Variants in AMPH observed in about 807,000 individuals in gnomAD.
AMPH encodes amphiphysin (Stiff-Mann syndrome with breast cancer 128kD autoantigen).
A neutral mutation model predicts 99.1 loss-of-function variants in AMPH; 49 were observed. The ratio of observed to expected loss-of-function variants is 0.49; its 90% confidence interval spans 0.39 to 0.63. AMPH has a LOEUF of 0.63. AMPH is among the 20% of genes least tolerant of loss of function. The probability of loss-of-function intolerance (pLI) is 0.00; values close to 1 mark genes in which losing one functional copy is unlikely to be tolerated. For missense variants in AMPH, 759 were observed against 863.4 expected (o/e 0.88, Z 1.52); for synonymous variants, 314 against 317.3 (o/e 0.99, Z 0.11).
chr7:38,459,197 A>G (rs1383458318), intron 11 of AMPH, among the ~76,000 whole-genome samples: 1 of 152,094 alleles, frequency 6.6e-6, no homozygotes, highest in East Asian at 1.9e-4. Context: ...TATGAGGAAA[A>G]CTACAAAATA....
At chr7:38,480,103 T>C (rs1377241483) in intron 5 of AMPH, among the ~76,000 whole-genome samples, 1 of 152,044 alleles carries the variant, frequency 6.6e-6, no homozygotes, top group Non-Finnish European at 1.5e-5. Flanking sequence ...TTACAAGGCA[T>C]TGTCACATCT....
chr7:38,528,657 A>C (rs569948795), intron 2 of AMPH, among the ~76,000 whole-genome samples: 2 of 151,952 alleles, frequency 1.3e-5, no homozygotes, highest in African/African-American at 2.4e-5. Context: ...AATTTTATTG[A>C]CTTTTTTCCA....
intron 11 of AMPH, among the ~76,000 whole-genome samples, chr7:38,442,722 A>G (rs1450222270): frequency 6.6e-6 from 1 of 152,172 alleles, no homozygotes; most frequent in African/African-American, 2.4e-5. Context: ...TTATAGCACT[A>G]AACTCCCATA....
chr7:38,574,782 G>A (rs187529589), intron 1 of AMPH, among the ~76,000 whole-genome samples: 3 of 151,990 alleles, frequency 2.0e-5, no homozygotes, highest in East Asian at 1.9e-4. Flanking sequence ...AAGGCCAGGC[G>A]CCGTGGCTCA....
chr7:38,531,406 A>G (rs1290318037), intron 2 of AMPH: 1 of 152,204 alleles, frequency 6.6e-6, no homozygotes, highest in African/African-American at 2.4e-5. Flanking sequence ...TGGGAGTCCA[A>G]TGGACAAAAC....
intron 1 of AMPH, among the ~76,000 whole-genome samples, chr7:38,583,298 T>G (rs1430115445): frequency 6.6e-6 from 1 of 152,236 alleles, no homozygotes; most frequent in East Asian, 1.9e-4. Flanking sequence ...TTCTTCAATC[T>G]TTCAAGTAGA....
At chr7:38,571,281 TTATATATATTTATATATGAA>T (rs1288335790) in intron 1 of AMPH, among the ~76,000 whole-genome samples, 58 of 44,078 alleles carry the variant, frequency 1.3e-3, no homozygotes, top group South Asian at 3.7e-3. Flanking sequence ...ATATATATTT[TTATATATATTTATATATGAA>T]TATATATATT....
At chr7:38,484,380 T>C (rs766585303) in intron 5 of AMPH, among the ~76,000 whole-genome samples, 23 of 152,096 alleles carry the variant, frequency 1.5e-4, no homozygotes, top group Non-Finnish European at 3.1e-4. Flanking sequence ...CTTGCTCACA[T>C]ACAAGGGAAT....
At chr7:38,615,736 T>C (rs1008355543) in intron 1 of AMPH, among the ~76,000 whole-genome samples, 1 of 152,124 alleles carries the variant, frequency 6.6e-6, no homozygotes, top group Non-Finnish European at 1.5e-5. Context: ...AGCTGCACAG[T>C]GTAGCCAGGC....
At chr7:38,609,142 GCTCT>G (rs1390667146) in intron 1 of AMPH, among the ~76,000 whole-genome samples, 8 of 152,090 alleles carry the variant, frequency 5.3e-5, no homozygotes, top group Non-Finnish European at 5.9e-5. Flanking sequence ...GCTGAAATCA[GCTCT>G]CTGTGTTCAG....
intron 1 of AMPH, among the ~76,000 whole-genome samples, chr7:38,610,027 G>A (rs1219699142): frequency 2.6e-5 from 4 of 151,122 alleles, no homozygotes; most frequent in South Asian, 2.1e-4. Flanking sequence ...ACCTGAGGTC[G>A]GGAGTTCGAG....
At chr7:38,436,470 T>C (rs891646853) in intron 11 of AMPH, 82 bp from the exon 12 acceptor site, 1 of 993,560 alleles carries the variant, frequency 1.0e-6, no homozygotes, top group South Asian at 1.4e-5. Flanking sequence ...ATGTATACTC[T>C]CTCTAATATT....
At chr7:38,621,315 G>A (rs975707829) in intron 1 of AMPH, among the ~76,000 whole-genome samples, 5 of 152,142 alleles carry the variant, frequency 3.3e-5, no homozygotes, top group Non-Finnish European at 7.4e-5. Flanking sequence ...AGTAGTGTGT[G>A]CAAAAGTTTA....
intron 11 of AMPH, among the ~76,000 whole-genome samples, chr7:38,437,019 C>G (rs1387204500): frequency 6.6e-6 from 1 of 152,048 alleles, no homozygotes; most frequent in Non-Finnish European, 1.5e-5. Flanking sequence ...GCCATGCCTC[C>G]CAACATTTGC....
chr7:38,553,383 G>T (rs1791245295), intron 1 of AMPH, among the ~76,000 whole-genome samples: 1 of 152,194 alleles, frequency 6.6e-6, no homozygotes, highest in African/African-American at 2.4e-5. Flanking sequence ...TCTGGCCCTG[G>T]GGATCATCAC....
chr7:38,465,259 T>G (rs1787606585), intron 9 of AMPH, among the ~76,000 whole-genome samples: 2 of 152,202 alleles, frequency 1.3e-5, no homozygotes, highest in Admixed American at 1.3e-4. Flanking sequence ...AAGTCAATGC[T>G]GTTGTGACAA....
chr7:38,467,447 C>T (rs1746047856), intron 7 of AMPH, among the ~76,000 whole-genome samples: 3 of 152,152 alleles, frequency 2.0e-5, no homozygotes, highest in Admixed American at 2.0e-4. Flanking sequence ...GACCCCTTCT[C>T]CAAGGCCCCA....
At chr7:38,465,327 T>C in intron 9 of AMPH, 140 bp downstream of exon 9, 1 of 647,648 alleles carries the variant, frequency 1.5e-6, no homozygotes, top group Non-Finnish European at 2.5e-6. Context: ...AGCACAAAAA[T>C]AAAATTAGTG....
chr7:38,418,159 T>C (rs1785453163), intron 16 of AMPH: 5 of 410,436 alleles, frequency 1.2e-5, no homozygotes, highest in Non-Finnish European at 1.7e-5. Flanking sequence ...GCTTCTGCTT[T>C]ACCATCATCA....
Sources: allele counts gnomAD v4.1 joint callset (sites outside exome capture counted in the v4.1 genomes callset), GRCh38; gene constraint gnomAD v4.1.1; transcripts MANE v1.5; gene names NCBI Gene and HGNC (gene_info 2026-07-23, HGNC 2026-07-21).